The following RNF213 variants were observed in gnomAD, a reference collection of about 807,000 sequenced individuals.
The protein encoded by RNF213 is ring finger protein 213.
In RNF213, 341 loss-of-function variants were observed where a neutral mutation model predicts 514.4. The observed-to-expected ratio is 0.66, with a 90% CI of 0.61 to 0.73. RNF213 has a LOEUF of 0.73. Among genes scored for constraint, RNF213 ranks in the 30% least tolerant of loss-of-function variants. The pLI is 0.00. For synonymous variants in RNF213, 2,655 were observed against 2,658.2 expected (o/e 1.00, Z 0.04); for missense variants, 5,767 against 6,615.6 (o/e 0.87, Z 4.45).
chr17:80,334,109 A>G lies in RNF213; in HGVS notation c.4148A>G (p.Asp1383Gly), dbSNP rs1599043751. The G allele has an allele frequency of 2.6e-6, 4 of 1,537,176 alleles. No homozygotes were observed. The highest frequency in any genetic ancestry group is 3.5e-6 in the Non-Finnish European group (4 of 1,146,898). Reference protein sequence around the residue: ...SVLNTLLNFTDNFDDFRRETL... With the variant: ...SVLNTLLNFTGNFDDFRRETL... ...CAGTAGAGCTTTTTCTTGCAGACTG[A>G]TAACTTCGACGACTTTCGCCGTGAA... The change falls in exon 22 of 68, where the codon GAT (aspartate) becomes GGT (glycine). Residue 1383 changes from aspartate to glycine, a missense_variant. This residue lies in a region of RNF213 where 516 missense variants were observed against 566.5 expected (regional missense o/e 0.91). Coordinates refer to ENST00000582970, the MANE Select transcript of RNF213 (RefSeq NM_001256071.3).
intron 8 of RNF213, 35 bp from the exon 9 acceptor site, chr17:80,294,685 C>A: frequency 6.2e-7 from 1 of 1,612,468 alleles, no homozygotes; most frequent in South Asian, 1.1e-5. Flanking sequence ...TTTTGATGGT[C>A]TTAGGTAGGC....
intron 56 of RNF213, chr17:80,381,332 A>T (rs1304838351): frequency 1.6e-6 from 1 of 636,256 alleles, no homozygotes; most frequent in South Asian, 1.8e-5. Flanking sequence ...CCAACAGTAC[A>T]ATCTGGATAT....
rs560820171 is a variant in RNF213 at position 80,334,531 on chromosome 17, C to A, written c.4309+261C>A. On this transcript the variant is annotated intron_variant, in intron 22 of 67. Coordinates refer to ENST00000582970, the MANE Select transcript of RNF213 (RefSeq NM_001256071.3). ...CGGAAGCTGTAAATGGCTCAGGTTCCTTTTCCTTAAAATCTTGCCCCCTTC... is the reference window on the plus strand; with the variant it reads ...CGGAAGCTGTAAATGGCTCAGGTTCATTTTCCTTAAAATCTTGCCCCCTTC... Among the ~76,000 whole-genome samples the A allele has an allele frequency of 6.6e-5, 10 of 152,262 alleles. 1 individual carries two copies. Among genetic ancestry groups the A allele is most frequent in the Admixed American group, 6.5e-4 (10 of 15,288 alleles).
At chr17:80,331,166 C>T (rs754749848) in intron 20 of RNF213, among the ~76,000 whole-genome samples, 1 of 152,122 alleles carries the variant, frequency 6.6e-6, no homozygotes, top group Non-Finnish European at 1.5e-5. Flanking sequence ...CTTATTTCAT[C>T]ACCACCTCCC....
intron 1 of RNF213, 25 bp downstream of exon 1, chr17:80,260,927 CCGGGG>C (rs1448344796): frequency 6.6e-6 from 1 of 151,530 alleles, no homozygotes; most frequent in Non-Finnish European, 1.5e-5. Context: ...GGAGAGTCTC[CCGGGG>C]CGGGGAGCGG....
At position 80,343,023 on chromosome 17, in the gene RNF213, G is replaced by A; in HGVS notation, c.5990-109G>A. 1 of 875,338 alleles carries A rather than the reference G, an allele frequency of 1.1e-6. No homozygotes were observed. Among genetic ancestry groups the A allele is most frequent in the South Asian group, 1.4e-5 (1 of 71,386 alleles). 54.2% of individuals were successfully genotyped at this position (875,338 alleles called of 1,614,324 possible). ...GGATTTCACCACGTTGACCAGGCTGGCTTTGAACTCCTGACCTCAAGTGAT... is the reference window on the plus strand; with the variant it reads ...GGATTTCACCACGTTGACCAGGCTGACTTTGAACTCCTGACCTCAAGTGAT... On this transcript the variant is annotated intron_variant, in intron 26 of 67. Transcript: ENST00000582970. The surrounding 1 kb of genome is among the most constrained non-coding windows in gnomAD (Gnocchi z 4.3).
chr17:80,374,352 C>A, intron 49 of RNF213, 106 bp from the exon 50 acceptor site: 1 of 1,474,872 alleles, frequency 6.8e-7, no homozygotes, highest in Non-Finnish European at 9.5e-7. Flanking sequence ...AGCTTGGCTG[C>A]CTTTAAACCT....
chr17:80,377,054 C>A lies in RNF213; in HGVS notation c.13510+91C>A. 1 of 1,044,362 alleles carries A rather than the reference C, an allele frequency of 9.6e-7. No homozygotes were observed. Among genetic ancestry groups the A allele is most frequent in the Non-Finnish European group, 1.5e-6 (1 of 685,506 alleles). 64.7% of individuals were successfully genotyped at this position (1,044,362 alleles called of 1,614,324 possible). A position where few individuals can be genotyped will look rare whatever the true frequency, so the allele number is the denominator to read the frequency against. ...AGCATTGGGTTCGACTTGGGGTCCA[C>A]GTGGTTTGTGCCTCAGGGTCCAAAA... On this transcript the variant is annotated intron_variant, in intron 53 of 67. Coordinates refer to ENST00000582970, the MANE Select transcript of RNF213 (RefSeq NM_001256071.3). The surrounding 1 kb of genome is among the most constrained non-coding windows in gnomAD (Gnocchi z 4.1).
rs112015622 is a variant in RNF213, at chr17:80,361,728, C to A, written c.11201-6C>A. On this transcript the variant is annotated splice_polypyrimidine_tract_variant and splice_region_variant and intron_variant, in intron 38 of 67. Coordinates refer to ENST00000582970, the MANE Select transcript of RNF213 (RefSeq NM_001256071.3). The stretch of plus-strand genomic sequence containing the variant: ...TCCAGGCCGCTCCTTGGTTTCCTCT[C>A]TGCAGGACTGCCCAAGAAGTTCGTG... The A allele has an allele frequency of 4.6e-4, 740 of 1,613,068 alleles. 4 individuals carry two copies. The African/African-American group carries it at 8.3e-3, about 18-fold the overall frequency.
At chr17:80,326,523 G>C (rs2046286411) in intron 18 of RNF213, among the ~76,000 whole-genome samples, 1 of 152,104 alleles carries the variant, frequency 6.6e-6, no homozygotes, top group Non-Finnish European at 1.5e-5. Context: ...CTGAGGTTTG[G>C]ATAAACCATG....
At chr17:80,334,606 CCA>C (rs1163985732) in intron 22 of RNF213, among the ~76,000 whole-genome samples, 2 of 137,754 alleles carry the variant, frequency 1.5e-5, no homozygotes, top group Admixed American at 1.5e-4. Context: ...GAGTTCCTGC[CCA>C]CAGAGAGGTT....
chr17:80,304,656 AAAT>A (rs149879581), intron 11 of RNF213, among the ~76,000 whole-genome samples: 13 of 146,088 alleles, frequency 8.9e-5, no homozygotes, highest in South Asian at 6.4e-4. Context: ...ATAAATAAAT[AAAT>A]AATAATAATA....
chr17:80,355,746 C>G (rs113801645), intron 36 of RNF213, among the ~76,000 whole-genome samples: 28 of 68,970 alleles, frequency 4.1e-4, no homozygotes, highest in African/African-American at 1.2e-3. Context: ...TGGGGGCTCA[C>G]GGAGGAAGAA....
chr17:80,335,850 G>T (rs747428368), intron 22 of RNF213, among the ~76,000 whole-genome samples: 38 of 152,004 alleles, frequency 2.5e-4, no homozygotes, highest in Non-Finnish European at 4.7e-4. Context: ...GGTGGTGGGC[G>T]CCAGTAATCC....
At position 80,298,390 on chromosome 17, in the gene RNF213, C is replaced by A. The variant is rs1278670128; in HGVS notation, c.2082C>A (p.Ala694=). The change falls in exon 11 of 68, where the codon GCC becomes GCA. Residue 694 remains alanine (A), a synonymous_variant. Transcript: ENST00000582970. ...MDTRTYTWLG[A]LPVLHCCMEL... is the part of the protein sequence containing the mutation. ...CAAGGACGTACACCTGGCTGGGCGC[C>A]CTGCCTGTCCTGCACTGCTGTATGG... is the stretch of plus-strand genomic sequence containing the variant. The A allele has an allele frequency of 6.2e-7, 1 of 1,614,104 alleles. No individual in the cohort carries two copies. Among genetic ancestry groups the A allele is most frequent in the African/African-American group, 1.3e-5 (1 of 74,942 alleles).
chr17:80,386,477 C>T (rs759067895), intron 62 of RNF213, 47 bp downstream of exon 62: 3 of 1,600,580 alleles, frequency 1.9e-6, no homozygotes, highest in Non-Finnish European at 2.6e-6. Context: ...AGCCCAGAGT[C>T]CCTAAGCCCA....
At chr17:80,271,910 G>T (rs1350460025) in intron 2 of RNF213, among the ~76,000 whole-genome samples, 1 of 152,040 alleles carries the variant, frequency 6.6e-6, no homozygotes, top group African/African-American at 2.4e-5. Context: ...AACCCAGGAG[G>T]TGGAGGTTGC....
chr17:80,363,990 G>A (rs1284060339), intron 41 of RNF213, among the ~76,000 whole-genome samples, 200 bp downstream of exon 41: 5 of 152,200 alleles, frequency 3.3e-5, no homozygotes, highest in Admixed American at 6.5e-5. Flanking sequence ...CACGAGAGGC[G>A]GCTGTGCATT....
At chr17:80,368,230 A>G in intron 44 of RNF213, 87 bp downstream of exon 44, 1 of 1,440,640 alleles carries the variant, frequency 6.9e-7, no homozygotes, top group Non-Finnish European at 9.7e-7. Flanking sequence ...AAACTCTATT[A>G]ACCTTCATTT....
Sources: gnomAD v4.1 joint callset for allele counts (sites outside exome capture counted in the v4.1 genomes callset) on GRCh38, gnomAD v4.1.1 for gene constraint, gnomAD v4.1.1 regional missense constraint, Gnocchi (gnomAD v3.1) non-coding constraint, MANE v1.5 for transcripts, NCBI Gene and HGNC (gene_info 2026-07-23, HGNC 2026-07-21) for gene names.